CCDC68: variants seen among roughly 807,000 people sequenced by gnomAD.
The protein encoded by CCDC68 is coiled-coil domain-containing protein 68.
CCDC68 carries 45 observed loss-of-function variants against 47.1 expected under a neutral mutation model. That is an observed-to-expected ratio of 0.96 (90% CI 0.75 to 1.23). The LOEUF (loss-of-function observed/expected upper bound fraction) is 1.23, where lower values mean the gene tolerates loss of function less well. Among genes scored for constraint, CCDC68 ranks in the 50% most tolerant of loss-of-function variants. The pLI, the probability that CCDC68 is intolerant of heterozygous loss-of-function variation, is 0.00. For synonymous variants in CCDC68, 131 were observed against 129.5 expected, an observed-to-expected ratio of 1.01 and a Z score of -0.08; for missense variants, 353 against 373.6, an observed-to-expected ratio of 0.94 and a Z score of 0.45.
chr18:54,923,371 C>G (rs1230912217), intron 8 of CCDC68, among the ~76,000 whole-genome samples: 3 of 150,964 alleles, frequency 2.0e-5, no homozygotes, highest in Non-Finnish European at 4.4e-5. Flanking sequence ...ATTTTTCTAT[C>G]AAAAATCCCA....
Position 54,942,814 on chromosome 18 carries a change from ACAT to A in CCDC68, c.-12-14_-12-12del, listed in dbSNP as rs372590271. The A allele has an allele frequency of 2.5e-4, 357 of 1,424,568 alleles. No individual in the cohort carries two copies. In the African/African-American group the frequency reaches 4.3e-3, roughly 17 times the overall value. 88.2% of individuals were successfully genotyped at this position (1,424,568 alleles called of 1,614,324 possible). ...CATTGTGAATTCTGGCTTTAGGAAA[ACAT>A]AAATCAGCTAAGCAAAACAGACTGT... On this transcript the variant is annotated splice_polypyrimidine_tract_variant and intron_variant, in intron 2 of 11. Transcript: ENST00000591504.
intron 8 of CCDC68, among the ~76,000 whole-genome samples, chr18:54,923,369 A>G (rs115978024): frequency 2.3e-3 from 348 of 152,286 alleles, no homozygotes; most frequent in African/African-American, 7.9e-3. Flanking sequence ...TTATTTTTCT[A>G]TCAAAAATCC....
At chr18:54,939,529 A>T (rs2044402368) in intron 4 of CCDC68, among the ~76,000 whole-genome samples, 1 of 152,056 alleles carries the variant, frequency 6.6e-6, no homozygotes, top group African/African-American at 2.4e-5. Context: ...GCCCTAGATC[A>T]CTATGGTGAA....
At position 54,903,157 on chromosome 18, in the gene CCDC68, C is replaced by A. The variant is rs1176770741; in HGVS notation, c.*1201G>T. 2.6e-5 allele frequency: 4 copies of A among 152,080 alleles called. No homozygotes were observed. The highest frequency in any genetic ancestry group is 9.7e-5 in the African/African-American group (4 of 41,410). 9.4% of individuals were successfully genotyped at this position (152,080 alleles called of 1,614,324 possible). A position where few individuals can be genotyped will look rare whatever the true frequency, so the allele number is the denominator to read the frequency against. On this transcript the variant is annotated 3_prime_UTR_variant, in exon 12 of 12. Coordinates refer to ENST00000591504, the MANE Select transcript of CCDC68 (RefSeq NM_025214.3). ...TTATATACCTTCAAATATTTATAGA[C>A]AACACTGATATTTCACATTCCATAA...
At chr18:54,943,877 C>T (rs1426998665) in intron 2 of CCDC68, among the ~76,000 whole-genome samples, 3 of 152,046 alleles carry the variant, frequency 2.0e-5, no homozygotes, top group East Asian at 1.9e-4. Context: ...CCGGTGAAGT[C>T]GGGCATGGTG....
In CCDC68 at chr18:54,929,555, A is replaced by G. The variant is rs538186865; in HGVS notation, c.601-673T>C. ...GATGACTGTGTTCATTTTATATTTG[A>G]TGGCACTCAGCTGAAAAAAAGGAAT... On this transcript the variant is annotated intron_variant, in intron 7 of 11. Coordinates refer to ENST00000591504, the MANE Select transcript of CCDC68 (RefSeq NM_025214.3). 2.2e-4 allele frequency among the ~76,000 whole-genome samples: 34 copies of G among 152,270 alleles called. No individual in the cohort carries two copies. In the South Asian group the frequency reaches 6.6e-3, roughly 30 times the overall value.
chr18:54,947,796 A>T (rs967436975), intron 1 of CCDC68, among the ~76,000 whole-genome samples: 2 of 152,214 alleles, frequency 1.3e-5, no homozygotes, highest in Admixed American at 6.5e-5. Flanking sequence ...ATAATCTGTT[A>T]CTGGGCTATG....
At chr18:54,910,637 T>C (rs183191557) in intron 10 of CCDC68, among the ~76,000 whole-genome samples, 4 of 152,326 alleles carry the variant, frequency 2.6e-5, no homozygotes, top group Admixed American at 6.5e-5. Flanking sequence ...CTGTGGTTCA[T>C]AGCACCCAGG....
At position 54,903,715 on chromosome 18, in the gene CCDC68, T is replaced by C. The variant is rs1222252019; in HGVS notation, c.*643A>G. 6.6e-6 allele frequency: 1 copy of C among 152,216 alleles called. No individual in the cohort carries two copies. Among genetic ancestry groups the C allele is most frequent in the East Asian group, 1.9e-4 (1 of 5,200 alleles). 9.4% of individuals were successfully genotyped at this position (152,216 alleles called of 1,614,324 possible). A position where few individuals can be genotyped will look rare whatever the true frequency, so the allele number is the denominator to read the frequency against. On this transcript the variant is annotated 3_prime_UTR_variant, in exon 12 of 12. Transcript: ENST00000591504. ...ACTAAGAAGAACAGTCATTCTCTGA[T>C]GTGTGGTGAGGCAGCCATGATTCTC...
chr18:54,934,786 A>G, intron 7 of CCDC68, 34 bp downstream of exon 7: 1 of 1,390,744 alleles, frequency 7.2e-7, no homozygotes, highest in Non-Finnish European at 9.4e-7. Flanking sequence ...TAATGCTGTC[A>G]GTAAGAAAAT....
At chr18:54,917,410 T>G (rs1373453576) in intron 10 of CCDC68, among the ~76,000 whole-genome samples, 1 of 152,142 alleles carries the variant, frequency 6.6e-6, no homozygotes, top group Non-Finnish European at 1.5e-5. Context: ...TGAGCAAGCC[T>G]CTGATTCAAG....
At chr18:54,924,386 T>C (rs2044112148) in intron 8 of CCDC68, among the ~76,000 whole-genome samples, 1 of 152,044 alleles carries the variant, frequency 6.6e-6, no homozygotes, top group South Asian at 2.1e-4. Context: ...GTGAATCCTC[T>C]GGGGTTTCTT....
At chr18:54,929,427 G>A (rs118075739) in intron 7 of CCDC68, among the ~76,000 whole-genome samples, 1,941 of 152,302 alleles carry the variant, frequency 0.013, 24 homozygotes, top group Middle Eastern at 0.027. Context: ...ATTTTATGAT[G>A]CTAGGAAAGA....
chr18:54,921,227 AAC>A (rs2044054359), intron 8 of CCDC68, among the ~76,000 whole-genome samples: 2 of 152,186 alleles, frequency 1.3e-5, no homozygotes, highest in Admixed American at 6.5e-5. Flanking sequence ...AGGGTTAAAA[AAC>A]TACCTGAGTG....
At position 54,936,933 on chromosome 18, in the gene CCDC68, G is replaced by T. The variant is rs759606240; in HGVS notation, c.371C>A (p.Ala124Glu). 1.9e-6 allele frequency: 3 copies of T among 1,614,102 alleles called. No homozygotes were observed. In the Admixed American group the frequency reaches 5.0e-5, roughly 27 times the overall value. Residue 124 changes from alanine to glutamate, a missense_variant, in exon 6 of 12, where the codon GCA becomes GAA. Coordinates refer to ENST00000591504, the MANE Select transcript of CCDC68 (RefSeq NM_025214.3). ...CTGGGCCACGTTTCTCAGAGCTGCT[G>T]CTCCTGCTTCTCTGGAGGCTTGCAG... ...IKLQASREAGAAALRNVAQRL... is the reference protein window; with the variant it reads ...IKLQASREAGEAALRNVAQRL...
At chr18:54,956,011 G>C (rs2044706818) in intron 1 of CCDC68, among the ~76,000 whole-genome samples, 1 of 151,198 alleles carries the variant, frequency 6.6e-6, no homozygotes, top group Non-Finnish European at 1.5e-5. Context: ...TAGAAGTTCA[G>C]ACGAGTCTTG....
At chr18:54,954,214 C>G (rs933445278) in intron 1 of CCDC68, among the ~76,000 whole-genome samples, 1 of 151,914 alleles carries the variant, frequency 6.6e-6, no homozygotes, top group African/African-American at 2.4e-5. Context: ...TGTCACCACA[C>G]TCGGCTAATT....
intron 7 of CCDC68, among the ~76,000 whole-genome samples, chr18:54,934,073 T>A (rs757027474): frequency 9.2e-5 from 14 of 152,218 alleles, no homozygotes; most frequent in Non-Finnish European, 1.8e-4. Context: ...TTTACTAGTA[T>A]CCAAAGCCTA....
intron 7 of CCDC68, among the ~76,000 whole-genome samples, chr18:54,933,083 C>A (rs573481546): frequency 1.6e-4 from 25 of 152,176 alleles, no homozygotes; most frequent in Admixed American, 1.6e-3. Flanking sequence ...TTATCTTCCA[C>A]TGTTCTTTCT....
Sources: gnomAD v4.1 joint callset for allele counts (sites outside exome capture counted in the v4.1 genomes callset) on GRCh38, gnomAD v4.1.1 for gene constraint, MANE v1.5 for transcripts, NCBI Gene and HGNC (gene_info 2026-07-23, HGNC 2026-07-21) for gene names.